Variants in PDE4D observed in about 807,000 individuals in gnomAD.
PDE4D encodes 3',5'-cyclic-AMP phosphodiesterase 4D.
Under a neutral mutation model 87.4 loss-of-function variants are expected in PDE4D, and 24 were observed. That is an observed-to-expected ratio of 0.27 (90% CI 0.20 to 0.39). The LOEUF is 0.39. Among genes scored for constraint, PDE4D ranks in the 10% least tolerant of loss-of-function variants. PDE4D has a pLI of 1.00. For synonymous variants in PDE4D, 384 were observed against 383.2 expected (o/e 1.00, Z -0.02); for missense variants, 714 against 1,041.0 (o/e 0.69, Z 4.32).
chr5:60,254,282 TG>T (rs886267248), intron 1 of PDE4D, among the ~76,000 whole-genome samples: 5 of 151,956 alleles, frequency 3.3e-5, no homozygotes, highest in Non-Finnish European at 7.4e-5. Context: ...CATGGTTTCA[TG>T]ACACCTTTTA....
At chr5:59,077,853 C>T (rs1263995484) in intron 5 of PDE4D, among the ~76,000 whole-genome samples, 2 of 152,074 alleles carry the variant, frequency 1.3e-5, no homozygotes, top group East Asian at 1.9e-4. Flanking sequence ...GTCTTTCTTG[C>T]ATAAGAACAA....
Position 59,768,491 on chromosome 5 carries a change from G to A in PDE4D, c.455+124677C>T, listed in dbSNP as rs796184753. ...ACTTCAGGTACTGTTAAAGTGTCCGGGCTTGTCTGCTGAGCCATTTTCCTG... is the reference window on the plus strand; with the variant it reads ...ACTTCAGGTACTGTTAAAGTGTCCGAGCTTGTCTGCTGAGCCATTTTCCTG... On this transcript the variant is annotated intron_variant, in intron 1 of 14. Transcript: ENST00000340635. 1.3e-5 allele frequency: 21 copies of A among 1,598,296 alleles called. No individual in the cohort carries two copies. The African/African-American group carries it at 2.7e-4, about 20-fold the overall frequency.
intron 1 of PDE4D, among the ~76,000 whole-genome samples, chr5:60,399,500 G>A (rs1001607613): frequency 4.6e-5 from 7 of 152,186 alleles, no homozygotes; most frequent in African/African-American, 1.7e-4. Context: ...CATTACAGCA[G>A]TCAAGATAGC....
intron 1 of PDE4D, among the ~76,000 whole-genome samples, chr5:59,325,290 A>G (rs550143628): frequency 6.6e-6 from 1 of 152,316 alleles, no homozygotes; most frequent in East Asian, 1.9e-4. Flanking sequence ...AGAAAAGGTC[A>G]AGGTGATAGC....
chr5:60,384,137 C>A (rs1031599881), intron 1 of PDE4D, among the ~76,000 whole-genome samples: 3 of 152,076 alleles, frequency 2.0e-5, no homozygotes, highest in African/African-American at 7.2e-5. Context: ...GAAATAGGGA[C>A]CAACTTGAAA....
intron 1 of PDE4D, among the ~76,000 whole-genome samples, chr5:59,812,934 C>T (rs1253906845): frequency 6.6e-6 from 1 of 152,182 alleles, no homozygotes. Context: ...CCAAATTTTG[C>T]CAAGTCAGGC....
intron 3 of PDE4D, among the ~76,000 whole-genome samples, chr5:59,936,402 C>A (rs1756583846): frequency 6.6e-6 from 1 of 152,098 alleles, no homozygotes; most frequent in Admixed American, 6.5e-5. Context: ...CCATTCTAGA[C>A]TCCCTGATCA....
At chr5:60,471,424 AGCAAC>A (rs1354416456) in intron 1 of PDE4D, among the ~76,000 whole-genome samples, 1 of 152,246 alleles carries the variant, frequency 6.6e-6, no homozygotes, top group Non-Finnish European at 1.5e-5. Flanking sequence ...GATAAAAAGC[AGCAAC>A]TGGGTTTGAG....
intron 1 of PDE4D, among the ~76,000 whole-genome samples, chr5:59,280,226 G>A (rs1765572461): frequency 2.0e-5 from 3 of 152,012 alleles, no homozygotes; most frequent in Admixed American, 2.0e-4. Flanking sequence ...CATTTTGATT[G>A]CCTCATTAGG....
chr5:59,412,177 G>A lies in PDE4D; in HGVS notation c.456-196209C>T, dbSNP rs538073731. ...ATGGTGGTTATTCTGAAAAGAACTT[G>A]AATGTTTTCAAGGGTTGTACTAATG... is the stretch of plus-strand genomic sequence containing the variant. On this transcript the variant is annotated intron_variant, in intron 1 of 14. Coordinates refer to ENST00000340635, the MANE Select transcript of PDE4D (RefSeq NM_001104631.2). Among the ~76,000 whole-genome samples, 5 of 152,274 alleles carry A rather than the reference G, an allele frequency of 3.3e-5. No individual in the cohort carries two copies. The South Asian group carries it at 6.2e-4, about 19-fold the overall frequency.
At chr5:60,161,945 T>C (rs1782502786) in intron 2 of PDE4D, among the ~76,000 whole-genome samples, 2 of 152,116 alleles carry the variant, frequency 1.3e-5, no homozygotes, top group Admixed American at 1.3e-4. Flanking sequence ...GGCAGAACCC[T>C]GGTCTTCAAG....
At chr5:60,229,913 A>G (rs1745602466) in intron 1 of PDE4D, among the ~76,000 whole-genome samples, 1 of 152,158 alleles carries the variant, frequency 6.6e-6, no homozygotes, top group Non-Finnish European at 1.5e-5. Flanking sequence ...TGGATAAAAA[A>G]TAGTCTTACA....
intron 3 of PDE4D, among the ~76,000 whole-genome samples, chr5:59,189,375 C>A (rs188826850): frequency 1.1e-3 from 160 of 147,720 alleles, no homozygotes; most frequent in African/African-American, 3.8e-3. Context: ...TCTGTATTTT[C>A]AAATCAGGGA....
intron 5 of PDE4D, among the ~76,000 whole-genome samples, chr5:59,154,103 A>G (rs1376343623): frequency 1.3e-5 from 2 of 152,172 alleles, no homozygotes; most frequent in African/African-American, 4.8e-5. Flanking sequence ...GTACCACACG[A>G]AAGAGATCTG....
At chr5:60,476,370 C>T (rs1313475337) in intron 1 of PDE4D, among the ~76,000 whole-genome samples, 1 of 152,092 alleles carries the variant, frequency 6.6e-6, no homozygotes, top group East Asian at 1.9e-4. Flanking sequence ...TTTTGGAGAG[C>T]TCCACAGTCT....
rs117193238 is a variant in PDE4D, at chr5:59,000,227, A to C, written c.922-6762T>G. Among the ~76,000 whole-genome samples the C allele has an allele frequency of 6.9e-3, 1,048 of 152,342 alleles. 17 individuals are homozygous for C. Among genetic ancestry groups the C allele is most frequent in the East Asian group, 0.046 (239 of 5,180 alleles). On this transcript the variant is annotated intron_variant, in intron 6 of 14. Transcript: ENST00000340635. ...TCCTCAAAATTCGTAGTTCATTCTT[A>C]AGAATTGCCCATCCTTTTGGAGGGC...
chr5:59,695,447 C>T (rs1751631990), intron 1 of PDE4D, among the ~76,000 whole-genome samples: 1 of 152,146 alleles, frequency 6.6e-6, no homozygotes. Flanking sequence ...AATTGTTTCA[C>T]TAGTTATCTG....
At chr5:59,986,781 T>C (rs1156548157) in intron 3 of PDE4D, 2 of 152,206 alleles carry the variant, frequency 1.3e-5, no homozygotes, top group Admixed American at 6.5e-5. Context: ...ATATCCACTT[T>C]CCTTCTGGAA....
chr5:59,120,407 T>C (rs1774287099), intron 5 of PDE4D, among the ~76,000 whole-genome samples: 1 of 152,130 alleles, frequency 6.6e-6, no homozygotes, highest in Non-Finnish European at 1.5e-5. Flanking sequence ...ATTAAATACA[T>C]ATGAATCAAG....
Sources: allele counts gnomAD v4.1 joint callset (sites outside exome capture counted in the v4.1 genomes callset), GRCh38; gene constraint gnomAD v4.1.1; transcripts MANE v1.5; gene names NCBI Gene and HGNC (gene_info 2026-07-23, HGNC 2026-07-21).